The following SYTL5 variants were observed in gnomAD, a reference collection of about 807,000 sequenced individuals.
SYTL5 encodes synaptotagmin like 5.
A neutral mutation model predicts 55.9 loss-of-function variants in SYTL5; 34 were observed. The ratio of observed to expected loss-of-function variants is 0.61; its 90% CI spans 0.46 to 0.81. The LOEUF (loss-of-function observed/expected upper bound fraction) is 0.81. SYTL5 is among the 30% of genes least tolerant of loss of function. The pLI is 0.00. For missense variants in SYTL5, 637 were observed against 546.7 expected (o/e 1.17, Z -1.65); for synonymous variants, 221 against 188.7 (o/e 1.17, Z -1.40).
chrX:38,031,878 A>T (rs187385899), intron 1 of SYTL5, among the ~76,000 whole-genome samples: 1 of 112,217 alleles, frequency 8.9e-6, no homozygotes, highest in East Asian at 2.8e-4. Context: ...AGCTTTCAAG[A>T]TGGAGGGAAG....
At chrX:37,979,810 TTTTC>T in the SYTL5 span, among the ~76,000 whole-genome samples, 4 of 106,735 alleles carry the variant, frequency 3.7e-5, no homozygotes, top group Non-Finnish European at 7.8e-5. Context: ...TTTTCTTTTC[TTTTC>T]TTTTTTTTTT....
At chrX:38,088,741 C>T (rs973179461) in intron 6 of SYTL5, among the ~76,000 whole-genome samples, 3 of 112,199 alleles carry the variant, frequency 2.7e-5, no homozygotes. Context: ...AATATAACTT[C>T]TAATCTTTGA....
chrX:37,936,998 C>T, the SYTL5 span, among the ~76,000 whole-genome samples: 2 of 106,266 alleles, frequency 1.9e-5, no homozygotes, highest in East Asian at 2.9e-4. Context: ...TGCAGTGAAC[C>T]GAGATCATGC....
intron 9 of SYTL5, among the ~76,000 whole-genome samples, chrX:38,100,459 T>G (rs779413651): frequency 4.5e-5 from 5 of 111,474 alleles, no homozygotes; most frequent in Non-Finnish European, 9.5e-5. Flanking sequence ...AAGTGACAAC[T>G]TACCATAAAC....
chrX:38,127,999 CACTGCCCACAGTGA>C lies in SYTL5; in HGVS notation c.*1271_*1284del, dbSNP rs1937702792. On this transcript the variant is annotated 3_prime_UTR_variant, in exon 17 of 17. Transcript: ENST00000297875. Reference sequence around the variant, plus strand: ...CAAGATGAAGAGGCAGGGAAATATGCACTGCCCACAGTGAAGCCATGACAAGAGTGAGGATGCAG... The same window carrying C: ...CAAGATGAAGAGGCAGGGAAATATGCAGCCATGACAAGAGTGAGGATGCAG... 8.9e-6 allele frequency: 1 copy of C among 112,163 alleles called. No individual in the cohort carries two copies. The highest frequency in any genetic ancestry group is 1.9e-5 in the Non-Finnish European group (1 of 53,304). 9.2% of individuals were successfully genotyped at this position (112,163 alleles called of 1,213,427 possible). A position where few individuals can be genotyped will look rare whatever the true frequency, so the allele number is the denominator to read the frequency against.
intron 2 of SYTL5, among the ~76,000 whole-genome samples, chrX:38,051,481 A>G (rs760849917): frequency 9.0e-6 from 1 of 111,590 alleles, no homozygotes; most frequent in Non-Finnish European, 1.9e-5. Flanking sequence ...ATTTGAGGCA[A>G]ATATTCCATC....
At chrX:38,110,554 A>G (rs906080224) in intron 13 of SYTL5, 72 bp downstream of exon 13, 3 of 881,117 alleles carry the variant, frequency 3.4e-6, no homozygotes, top group African/African-American at 4.1e-5. Context: ...TCACAGACCT[A>G]AAGAACTTGA....
rs745512937 is a variant in SYTL5 at position 38,089,496 on chromosome X, C to A, written c.740C>A (p.Thr247Asn). 16 of 1,208,435 alleles carry A rather than the reference C, an allele frequency of 1.3e-5. No individual in the cohort carries two copies. In the African/African-American group the frequency reaches 2.6e-4, roughly 20 times the overall value. ...AATGACCAGGAACCTGGTCCTAGGACCCCGAAGAGCAGTCGGAGCAATGGT... is the reference window on the plus strand; with the variant it reads ...AATGACCAGGAACCTGGTCCTAGGAACCCGAAGAGCAGTCGGAGCAATGGT... ...DLNDQEPGPR[T>N]PKSSRSNGVT... The change falls in exon 7 of 17, where the codon ACC (threonine) becomes AAC (asparagine). Residue 247 changes from threonine to asparagine, a missense_variant. Transcript: ENST00000297875.
chrX:37,996,741 G>A, the SYTL5 span, among the ~76,000 whole-genome samples: 2 of 111,758 alleles, frequency 1.8e-5, no homozygotes, highest in Admixed American at 9.4e-5. Flanking sequence ...GCATTTTGAA[G>A]GCCCAGGTCT....
intron 1 of SYTL5, among the ~76,000 whole-genome samples, chrX:38,007,764 C>T (rs920871479): frequency 1.2e-4 from 13 of 111,381 alleles, no homozygotes; most frequent in Middle Eastern, 9.2e-3. Flanking sequence ...TAAATTGGTC[C>T]TTGCATCCCT....
chrX:38,071,426 G>A (rs992080334), intron 3 of SYTL5, among the ~76,000 whole-genome samples: 1 of 111,599 alleles, frequency 9.0e-6, no homozygotes. Flanking sequence ...TCCTCTTTTA[G>A]TCTTACCATT....
Position 38,126,163 on chromosome X carries a change from A to C in SYTL5, c.2051-425A>C, listed in dbSNP as rs774119664. 2.7e-5 allele frequency among the ~76,000 whole-genome samples: 3 copies of C among 112,046 alleles called. No homozygotes were observed. In the East Asian group the frequency reaches 8.4e-4, roughly 31 times the overall value. On this transcript the variant is annotated intron_variant, in intron 16 of 16. Transcript: ENST00000297875. ...TACACCATGGTAAACATTTCTGTTGAGGAAGGTCCTATCACTATGATAATT... is the reference window on the plus strand; with the variant it reads ...TACACCATGGTAAACATTTCTGTTGCGGAAGGTCCTATCACTATGATAATT...
chrX:37,944,839 A>G, the SYTL5 span, among the ~76,000 whole-genome samples: 2 of 112,264 alleles, frequency 1.8e-5, no homozygotes, highest in Admixed American at 9.4e-5. Context: ...CACTTTCTCT[A>G]TCTCTCACTT....
At chrX:37,908,950 C>T in the SYTL5 span, among the ~76,000 whole-genome samples, 2 of 111,365 alleles carry the variant, frequency 1.8e-5, no homozygotes, top group Non-Finnish European at 3.8e-5. Context: ...TGGTTTACAG[C>T]ATCTGAATGT....
Position 38,089,498 on chromosome X carries a change from C to A in SYTL5, c.742C>A (p.Pro248Thr), listed in dbSNP as rs1490168468. 33 of 1,210,502 alleles carry A rather than the reference C, an allele frequency of 2.7e-5. No individual in the cohort carries two copies. Among genetic ancestry groups the A allele is most frequent in the Non-Finnish European group, 3.6e-5 (32 of 894,986 alleles). ...LNDQEPGPRT[P>T]KSSRSNGVTP... ...TGACCAGGAACCTGGTCCTAGGACC[C>A]CGAAGAGCAGTCGGAGCAATGGTGT... The change falls in exon 7 of 17, where the codon CCG becomes ACG. Residue 248 changes from proline to threonine, a missense_variant. Physicochemically the swap from Pro to Thr is conservative, Grantham distance 38. Coordinates refer to ENST00000297875, the MANE Select transcript of SYTL5 (RefSeq NM_138780.3).
chrX:38,059,283 G>GTTTATTT (rs1292738301), intron 3 of SYTL5, among the ~76,000 whole-genome samples: 1 of 111,627 alleles, frequency 9.0e-6, no homozygotes, highest in Non-Finnish European at 1.9e-5. Context: ...ATTGTTTATT[G>GTTTATTT]TTTCTTGTGG....
chrX:38,062,602 G>C (rs1935985731), intron 3 of SYTL5, among the ~76,000 whole-genome samples: 1 of 111,343 alleles, frequency 9.0e-6, no homozygotes. Context: ...TGGAAACTGG[G>C]CTCACACTGA....
chrX:38,053,879 A>G (rs1455312072), intron 2 of SYTL5, among the ~76,000 whole-genome samples: 1 of 112,302 alleles, frequency 8.9e-6, no homozygotes. Flanking sequence ...TCAAAAGTAA[A>G]ACACAAACAT....
chrX:38,068,318 G>T (rs1342651563), intron 3 of SYTL5, among the ~76,000 whole-genome samples: 1 of 112,274 alleles, frequency 8.9e-6, no homozygotes, highest in African/African-American at 3.2e-5. Flanking sequence ...CTTATACATT[G>T]TTGGTGGGAA....
Sources: gnomAD v4.1 joint callset for allele counts (sites outside exome capture counted in the v4.1 genomes callset) on GRCh38, gnomAD v4.1.1 for gene constraint, MANE v1.5 for transcripts, NCBI Gene and HGNC (gene_info 2026-07-23, HGNC 2026-07-21) for gene names.